Variants in GTPBP1 observed in about 807,000 individuals in gnomAD.
GTPBP1 encodes GTP binding protein 1, also known as GTP-binding protein 1.
A neutral mutation model predicts 62.0 loss-of-function variants in GTPBP1; 23 were observed. The observed-to-expected ratio is 0.37, with a 90% confidence interval of 0.27 to 0.53. The LOEUF (loss-of-function observed/expected upper bound fraction) is 0.53, where lower values mean the gene tolerates loss of function less well. Among genes scored for constraint, GTPBP1 ranks in the 20% least tolerant of loss-of-function variants. The pLI is 0.89. For missense variants in GTPBP1, 640 were observed against 917.3 expected, an observed-to-expected ratio of 0.70 and a Z score of 3.90; for synonymous variants, 344 against 364.4, an observed-to-expected ratio of 0.94 and a Z score of 0.64.
intron 2 of GTPBP1, among the ~76,000 whole-genome samples, chr22:38,710,660 T>G (rs2092633290): frequency 6.6e-6 from 1 of 152,178 alleles, no homozygotes; most frequent in African/African-American, 2.4e-5. Flanking sequence ...AGATCATTGG[T>G]AGCCTTTTGA....
chr22:38,736,474 A>T, downstream of GTPBP1: 1 of 1,004,276 alleles, frequency 1.0e-6, no homozygotes, highest in Non-Finnish European at 1.4e-6. Context: ...GCCTAGGGCC[A>T]GATGGCTCCC....
downstream of GTPBP1, chr22:38,738,058 G>A (rs765806208): frequency 1.1e-6 from 1 of 921,194 alleles, no homozygotes; most frequent in Non-Finnish European, 1.8e-6. The surrounding 1 kb of genome is among the most constrained non-coding windows in gnomAD (Gnocchi z 6.6). Context: ...TGTGGGAAAG[G>A]AGAGCAGGGC....
Position 38,727,120 on chromosome 22 carries a change from C to A in GTPBP1, c.1402-93C>A. On this transcript the variant is annotated intron_variant, in intron 8 of 11. Coordinates refer to ENST00000216044, the MANE Select transcript of GTPBP1 (RefSeq NM_004286.5). This position sits in a 1 kb window ranked among gnomAD's most constrained non-coding sequence, Gnocchi z 6.5. ...GAAACCAGGCAGAGTTGGGGTGGTC[C>A]CTATCCCTAGAAAGACTCTTGGTCC... The A allele has an allele frequency of 7.8e-7, 1 of 1,277,380 alleles. No homozygotes were observed. The highest frequency in any genetic ancestry group is 1.1e-6 in the Non-Finnish European group (1 of 941,442). The allele number at this position is 1,277,380 out of a possible 1,614,324, so 79.1% of individuals were successfully genotyped here. A position where few individuals can be genotyped will look rare whatever the true frequency, so the allele number is the denominator to read the frequency against.
rs755252334 is a variant in GTPBP1, at chr22:38,716,901, G to A, written c.735G>A (p.Thr245=). The A allele has an allele frequency of 2.5e-5, 40 of 1,613,936 alleles. No individual in the cohort carries two copies. The highest frequency in any genetic ancestry group is 2.4e-4 in the East Asian group (11 of 44,900). ...LEWTKICEKS[T]KVITFIDLAG... is the part of the protein sequence containing the mutation. ...GGACCAAGATCTGTGAGAAGTCCAC[G>A]AAAGTCATTACCTTCATCGACTTGG... Residue 245 remains threonine (T), a synonymous_variant, in exon 4 of 12, where the codon ACG becomes ACA. Transcript: ENST00000216044. The surrounding 1 kb of genome is among the most constrained non-coding windows in gnomAD (Gnocchi z 5.2).
chr22:38,741,681 G>A, downstream of GTPBP1: 1 of 1,016,318 alleles, frequency 9.8e-7, no homozygotes, highest in Admixed American at 2.0e-5. Context: ...TGCTTCCAGA[G>A]CCCTGGCTCT....
In GTPBP1 at chr22:38,730,523, G is replaced by T; in HGVS notation, c.1918-89G>T. 1.1e-6 allele frequency: 1 copy of T among 903,274 alleles called. No individual in the cohort carries two copies. The highest frequency in any genetic ancestry group is 1.4e-5 in the South Asian group (1 of 74,068). 56.0% of individuals were successfully genotyped at this position (903,274 alleles called of 1,614,324 possible). A position where few individuals can be genotyped will look rare whatever the true frequency, so the allele number is the denominator to read the frequency against. ...CACGCAGCCTGCTCACGCATCTTCCGTCCCTGTCTCCCCGCTGCTCAGCAC... is the reference window on the plus strand; with the variant it reads ...CACGCAGCCTGCTCACGCATCTTCCTTCCCTGTCTCCCCGCTGCTCAGCAC... On this transcript the variant is annotated intron_variant, in intron 11 of 11. Transcript: ENST00000216044. This position sits in a 1 kb window ranked among gnomAD's most constrained non-coding sequence, Gnocchi z 5.6.
rs111830501 is a variant in GTPBP1, at chr22:38,726,536, T to C, written c.1401+96T>C. On this transcript the variant is annotated intron_variant, in intron 8 of 11. Transcript: ENST00000216044. This position sits in a 1 kb window ranked among gnomAD's most constrained non-coding sequence, Gnocchi z 4.1. ...CACCCACTCTAGTCCTCATGGCTGC[T>C]CTGCAAGGTCGGGATTACTGGCTTC... 1.9e-6 allele frequency: 2 copies of C among 1,066,658 alleles called. No individual in the cohort carries two copies. The highest frequency in any genetic ancestry group is 1.6e-5 in the African/African-American group (1 of 64,256). The allele number at this position is 1,066,658 out of a possible 1,614,324, so 66.1% of individuals were successfully genotyped here.
intron 4 of GTPBP1, among the ~76,000 whole-genome samples, chr22:38,721,133 G>A (rs2092698333): frequency 6.6e-6 from 1 of 152,212 alleles, no homozygotes; most frequent in Admixed American, 6.5e-5. Flanking sequence ...AGGCTGGAGT[G>A]CAATGGCACG....
chr22:38,714,666 A>AG (rs1166704920), intron 2 of GTPBP1, among the ~76,000 whole-genome samples: 2 of 151,942 alleles, frequency 1.3e-5, no homozygotes, highest in African/African-American at 4.8e-5. Flanking sequence ...GGGCAAGGGA[A>AG]GGGGGGTGGT....
chr22:38,717,084 A>T, intron 4 of GTPBP1, 84 bp downstream of exon 4: 1 of 837,200 alleles, frequency 1.2e-6, no homozygotes, highest in Non-Finnish European at 1.9e-6. Context: ...CTGTTCTGAG[A>T]CTGAGGCCTG....
chr22:38,721,907 G>A (rs1473234754), intron 5 of GTPBP1, 42 bp downstream of exon 5: 4 of 1,487,828 alleles, frequency 2.7e-6, no homozygotes, highest in Non-Finnish European at 3.7e-6. Flanking sequence ...TCTGATTGGG[G>A]CTGTCACCTG....
downstream of GTPBP1, chr22:38,734,398 G>A (rs200422194): frequency 8.9e-5 from 36 of 402,564 alleles, no homozygotes; most frequent in Non-Finnish European, 7.2e-5. Flanking sequence ...TGGCTGGTAG[G>A]TAAGTGTAAC....
At chr22:38,725,605 T>C (rs1264848165) in intron 6 of GTPBP1, among the ~76,000 whole-genome samples, 1 of 152,170 alleles carries the variant, frequency 6.6e-6, no homozygotes, top group African/African-American at 2.4e-5. Context: ...CAGAGATGGC[T>C]ACAAGCCCAA....
intron 2 of GTPBP1, among the ~76,000 whole-genome samples, chr22:38,714,478 C>CAAA (rs34257833): frequency 2.8e-3 from 128 of 46,300 alleles, no homozygotes; most frequent in Middle Eastern, 0.011. Flanking sequence ...GACTCCATCT[C>CAAA]AAAAAAAAAA....
At position 38,711,961 on chromosome 22, in the gene GTPBP1, A is replaced by G. The variant is rs181171363; in HGVS notation, c.304+3005A>G. ...AGTGGTATGATCTCGGCTCACTGCA[A>G]CCTCTGCCTCCTGGGTTCAAGCAGT... On this transcript the variant is annotated intron_variant, in intron 2 of 11. Coordinates refer to ENST00000216044, the MANE Select transcript of GTPBP1 (RefSeq NM_004286.5). Among the ~76,000 whole-genome samples the G allele has an allele frequency of 1.8e-3, 266 of 151,126 alleles. 1 individual carries two copies. The highest frequency in any genetic ancestry group is 6.8e-3 in the Middle Eastern group (2 of 292).
chr22:38,732,249 T>G lies in GTPBP1; in HGVS notation c.*1545T>G, dbSNP rs1041439140. 1 of 152,742 alleles carries G rather than the reference T, an allele frequency of 6.5e-6. No individual in the cohort carries two copies. Among genetic ancestry groups the G allele is most frequent in the African/African-American group, 2.4e-5 (1 of 41,460 alleles). The allele number at this position is 152,742 out of a possible 1,614,324, so 9.5% of individuals were successfully genotyped here. A position where few individuals can be genotyped will look rare whatever the true frequency, so the allele number is the denominator to read the frequency against. Reference sequence around the variant, plus strand: ...AGTTTGTTCCAAGTTGACAGTGTGGTGCTCCCTGCCCAGCCCCTCCAGGTG... The same window carrying G: ...AGTTTGTTCCAAGTTGACAGTGTGGGGCTCCCTGCCCAGCCCCTCCAGGTG... On this transcript the variant is annotated 3_prime_UTR_variant, in exon 12 of 12. Transcript: ENST00000216044.
rs576501119 is a variant in GTPBP1, at chr22:38,731,928, C to G, written c.*1224C>G. 2.0e-5 allele frequency: 3 copies of G among 152,476 alleles called. No homozygotes were observed. Among genetic ancestry groups the G allele is most frequent in the Non-Finnish European group, 4.4e-5 (3 of 68,176 alleles). The allele number at this position is 152,476 out of a possible 1,614,324, so 9.4% of individuals were successfully genotyped here. On this transcript the variant is annotated 3_prime_UTR_variant, in exon 12 of 12. Coordinates refer to ENST00000216044, the MANE Select transcript of GTPBP1 (RefSeq NM_004286.5). ...TTTAGCCTTCTGGAAGAACCCCTGC[C>G]TGGGGTGGGACTGTGCAGGCCAGAG...
At chr22:38,711,849 G>A (rs1442228809) in intron 2 of GTPBP1, among the ~76,000 whole-genome samples, 3 of 151,924 alleles carry the variant, frequency 2.0e-5, no homozygotes, top group African/African-American at 4.8e-5. Flanking sequence ...AAAAAGTTCA[G>A]GGGACATAGG....
At chr22:38,718,338 TCTTCAC>T (rs1276365120) in intron 4 of GTPBP1, among the ~76,000 whole-genome samples, 1 of 152,218 alleles carries the variant, frequency 6.6e-6, no homozygotes, top group Non-Finnish European at 1.5e-5. Flanking sequence ...AATGGAAATA[TCTTCAC>T]CCTGGACAAA....
Sources: gnomAD v4.1 joint callset for allele counts (sites outside exome capture counted in the v4.1 genomes callset) on GRCh38, gnomAD v4.1.1 for gene constraint, Gnocchi (gnomAD v3.1) non-coding constraint, MANE v1.5 for transcripts, NCBI Gene and HGNC (gene_info 2026-07-23, HGNC 2026-07-21) for gene names.